ACTR6: variants seen among roughly 807,000 people sequenced by gnomAD.
ACTR6 encodes the protein actin-related protein 6.
In ACTR6, 50 loss-of-function variants were observed where a neutral mutation model predicts 52.5. The observed-to-expected ratio is 0.95, with a 90% CI of 0.76 to 1.20. The LOEUF is 1.20. ACTR6 is among the 50% of genes most tolerant of loss of function. The probability of loss-of-function intolerance (pLI) is 0.00; values close to 1 mark genes in which losing one functional copy is unlikely to be tolerated. For missense variants in ACTR6, 344 were observed against 472.4 expected (o/e 0.73, Z 2.52); for synonymous variants, 135 against 147.2 (o/e 0.92, Z 0.60).
At chr12:100,204,601 G>A (rs1267451647) in intron 1 of ACTR6, among the ~76,000 whole-genome samples, 1 of 152,184 alleles carries the variant, frequency 6.6e-6, no homozygotes, top group African/African-American at 2.4e-5. Context: ...CTGACCTCAA[G>A]TGATCCATCC....
chr12:100,219,445 A>C (rs2096126401), intron 9 of ACTR6, among the ~76,000 whole-genome samples: 1 of 152,212 alleles, frequency 6.6e-6, no homozygotes, highest in East Asian at 1.9e-4. Context: ...GCTATCATGT[A>C]ACTTTAATGA....
chr12:100,209,748 T>C (rs899087042), intron 4 of ACTR6, among the ~76,000 whole-genome samples: 2 of 152,242 alleles, frequency 1.3e-5, no homozygotes, highest in Non-Finnish European at 2.9e-5. Flanking sequence ...ACACTCATTA[T>C]ACAGATTTTA....
chr12:100,201,126 G>C, intron 1 of ACTR6: 1 of 1,309,898 alleles, frequency 7.6e-7, no homozygotes, highest in Non-Finnish European at 1.0e-6. Context: ...CGAGGCCCCG[G>C]AAGTGGGATA....
intron 10 of ACTR6, among the ~76,000 whole-genome samples, chr12:100,223,127 C>G (rs2096129624): frequency 6.6e-6 from 1 of 151,914 alleles, no homozygotes; most frequent in Admixed American, 6.6e-5. Flanking sequence ...CACCTGAGGT[C>G]AGGAGTTCAA....
chr12:100,202,790 G>C (rs980548944), intron 1 of ACTR6, among the ~76,000 whole-genome samples: 7 of 151,648 alleles, frequency 4.6e-5, no homozygotes, highest in Admixed American at 3.3e-4. Flanking sequence ...CTGGGAGGCG[G>C]AGCTTGCAGT....
At chr12:100,221,441 T>C (rs1357386929) in intron 10 of ACTR6, among the ~76,000 whole-genome samples, 1 of 152,208 alleles carries the variant, frequency 6.6e-6, no homozygotes, top group East Asian at 1.9e-4. Context: ...CATATGTTCT[T>C]AAGACTATAA....
Position 100,206,535 on chromosome 12 carries a change from T to C in ACTR6, c.255+791T>C, listed in dbSNP as rs531207893. The stretch of plus-strand genomic sequence containing the variant: ...TTTTTTATTATGATTTTCTTTTCTT[T>C]TTAATAGACATGGGGTTTCACCATG... On this transcript the variant is annotated intron_variant, in intron 3 of 10. Coordinates refer to ENST00000188312, the MANE Select transcript of ACTR6 (RefSeq NM_022496.5). Among the ~76,000 whole-genome samples the C allele has an allele frequency of 9.8e-5, 15 of 152,296 alleles. No homozygotes were observed. In the South Asian group the frequency reaches 3.1e-3, roughly 32 times the overall value.
intron 3 of ACTR6, 105 bp downstream of exon 3, chr12:100,205,849 G>A (rs146988735): frequency 0.015 from 8,572 of 588,970 alleles, 87 homozygotes; most frequent in Middle Eastern, 0.026. Context: ...AATGTTCTCC[G>A]CACATTTAAA....
intron 8 of ACTR6, among the ~76,000 whole-genome samples, chr12:100,215,475 A>G (rs1289940144): frequency 6.6e-6 from 1 of 152,186 alleles, no homozygotes; most frequent in Non-Finnish European, 1.5e-5. Context: ...CAGAAGCCAT[A>G]TAAGGTTTTT....
chr12:100,212,225 C>A, intron 6 of ACTR6, 31 bp from the exon 7 acceptor site: 1 of 1,424,514 alleles, frequency 7.0e-7, no homozygotes, highest in South Asian at 1.3e-5. Context: ...AATTGTTTTG[C>A]TTCAAATTTT....
intron 8 of ACTR6, among the ~76,000 whole-genome samples, chr12:100,213,994 T>C (rs1480564271): frequency 1.3e-5 from 2 of 152,214 alleles, no homozygotes; most frequent in African/African-American, 4.8e-5. Flanking sequence ...AGATTAATTT[T>C]TGATATGTTC....
chr12:100,220,273 T>C (rs1375094146), intron 10 of ACTR6, 127 bp downstream of exon 10: 2 of 909,868 alleles, frequency 2.2e-6, no homozygotes, highest in African/African-American at 1.7e-5. Context: ...AATATTCATT[T>C]TTCTTCTTTC....
At chr12:100,210,708 ACTCT>A (rs200121459) in intron 6 of ACTR6, among the ~76,000 whole-genome samples, 4 of 148,588 alleles carry the variant, frequency 2.7e-5, no homozygotes, top group Non-Finnish European at 6.0e-5. Context: ...ACAAAGTGAG[ACTCT>A]CTCTCTCTCA....
At chr12:100,205,513 T>TA (rs972206284) in intron 2 of ACTR6, 163 bp from the exon 3 acceptor site, 35 of 420,678 alleles carry the variant, frequency 8.3e-5, no homozygotes, top group African/African-American at 3.9e-4. Flanking sequence ...TTTTTTAAAT[T>TA]AAAAAAAAGA....
intron 6 of ACTR6, among the ~76,000 whole-genome samples, chr12:100,211,924 GAA>G (rs2096120192): frequency 6.6e-6 from 1 of 152,186 alleles, no homozygotes; most frequent in African/African-American, 2.4e-5. Flanking sequence ...AATCAGAAAA[GAA>G]AGTGCATAGA....
At chr12:100,219,229 T>G (rs2096126234) in intron 9 of ACTR6, among the ~76,000 whole-genome samples, 1 of 151,756 alleles carries the variant, frequency 6.6e-6, no homozygotes, top group Non-Finnish European at 1.5e-5. Flanking sequence ...TATTTTCATA[T>G]TTCACATTTT....
Position 100,218,471 on chromosome 12 carries a change from T to C in ACTR6, c.807T>C (p.Arg269=), listed in dbSNP as rs373059508. The C allele has an allele frequency of 2.2e-5, 36 of 1,610,088 alleles. No homozygotes were observed. The highest frequency in any genetic ancestry group is 4.0e-5 in the African/African-American group (3 of 74,684). Residue 269 remains arginine (R), a synonymous_variant, in exon 9 of 11, where the codon CGT becomes CGC. Coordinates refer to ENST00000188312, the MANE Select transcript of ACTR6 (RefSeq NM_022496.5). The surrounding 1 kb of genome is among the most constrained non-coding windows in gnomAD (Gnocchi z 4.2). ...GKYKSGEQIL[R]LANERFAVPE... is the part of the protein sequence containing the mutation. ...ACAAATCTGGGGAACAAATTCTTCG[T>C]TTGGCCAATGAGAGATTTGCTGTTC...
Position 100,210,057 on chromosome 12 carries a change from A to G in ACTR6, c.380-16A>G. On this transcript the variant is annotated splice_polypyrimidine_tract_variant and intron_variant, in intron 4 of 10. Coordinates refer to ENST00000188312, the MANE Select transcript of ACTR6 (RefSeq NM_022496.5). ...GTGTTATATTTTTGTTCACTTTTTT[A>G]TCTTTTTTTAAATAGCTGGGGCTCT... is the stretch of plus-strand genomic sequence containing the variant. 6.4e-7 allele frequency: 1 copy of G among 1,557,652 alleles called. No individual in the cohort carries two copies. The highest frequency in any genetic ancestry group is 1.4e-5 in the African/African-American group (1 of 71,930).
At chr12:100,213,955 G>T (rs142329602) in intron 8 of ACTR6, among the ~76,000 whole-genome samples, 43 of 152,204 alleles carry the variant, frequency 2.8e-4, no homozygotes, top group African/African-American at 1.0e-3. Context: ...GAAAAATTGA[G>T]ACCTGCCTAA....
Sources: allele counts gnomAD v4.1 joint callset (sites outside exome capture counted in the v4.1 genomes callset), GRCh38; gene constraint gnomAD v4.1.1; non-coding constraint Gnocchi (gnomAD v3.1); transcripts MANE v1.5; gene names NCBI Gene and HGNC (gene_info 2026-07-23, HGNC 2026-07-21).